GALNT2: variants seen among roughly 807,000 people sequenced by gnomAD.
The protein encoded by GALNT2 is polypeptide N-acetylgalactosaminyltransferase 2, also known as UDP-GalNAc:polypeptide N-acetylgalactosaminyltransferase 2.
GALNT2 carries 31 observed loss-of-function variants against 81.4 expected under a neutral mutation model. That is an observed-to-expected ratio of 0.38 (90% confidence interval 0.29 to 0.51). The LOEUF (loss-of-function observed/expected upper bound fraction) is 0.51, where lower values mean the gene tolerates loss of function less well. Among genes scored for constraint, GALNT2 ranks in the 20% least tolerant of loss-of-function variants. The pLI is 0.87. For synonymous variants in GALNT2, 303 were observed against 287.4 expected (o/e 1.05, Z -0.55); for missense variants, 629 against 765.7 (o/e 0.82, Z 2.11).
intron 1 of GALNT2, among the ~76,000 whole-genome samples, chr1:230,069,169 C>G (rs2102740252): frequency 6.6e-6 from 1 of 152,328 alleles, no homozygotes; most frequent in South Asian, 2.1e-4. Flanking sequence ...GAGGCTGATT[C>G]CTCACTCTGG....
intron 2 of GALNT2, among the ~76,000 whole-genome samples, chr1:230,198,077 C>G (rs1663760064): frequency 6.6e-6 from 1 of 152,248 alleles, no homozygotes; most frequent in Non-Finnish European, 1.5e-5. Flanking sequence ...TGTGTAAGAA[C>G]TAACACGAAG....
chr1:230,109,007 A>C lies in GALNT2; in HGVS notation c.126+41601A>C, dbSNP rs76787326. On this transcript the variant is annotated intron_variant, in intron 1 of 15. Coordinates refer to ENST00000366672, the MANE Select transcript of GALNT2 (RefSeq NM_004481.5). Reference sequence around the variant, plus strand: ...AACAGGATGAGATGTAGAGCAGGATATATATGTTAGAAACAAAGTTTCGCG... The same window carrying C: ...AACAGGATGAGATGTAGAGCAGGATCTATATGTTAGAAACAAAGTTTCGCG... Among the ~76,000 whole-genome samples the C allele has an allele frequency of 1.8e-4, 27 of 152,366 alleles. 1 individual carries two copies. In the East Asian group the frequency reaches 5.0e-3, roughly 28 times the overall value.
chr1:230,264,517 C>G (rs945105842), intron 13 of GALNT2: 8 of 152,430 alleles, frequency 5.2e-5, no homozygotes, highest in Non-Finnish European at 1.2e-4. Context: ...ATCTGCTTCC[C>G]CTGTCTGTGG....
At chr1:230,119,091 G>A (rs1038601073) in intron 1 of GALNT2, among the ~76,000 whole-genome samples, 2 of 152,026 alleles carry the variant, frequency 1.3e-5, no homozygotes, top group African/African-American at 2.4e-5. Flanking sequence ...TTTAATTATC[G>A]CTCAAATCTC....
At chr1:230,200,613 G>C (rs1247682369) in intron 2 of GALNT2, among the ~76,000 whole-genome samples, 4 of 152,236 alleles carry the variant, frequency 2.6e-5, no homozygotes, top group Non-Finnish European at 5.9e-5. Flanking sequence ...AGAGCACAAA[G>C]AGATGTATGG....
chr1:230,114,540 C>G (rs1376878276), intron 1 of GALNT2, among the ~76,000 whole-genome samples: 1 of 152,186 alleles, frequency 6.6e-6, no homozygotes, highest in Non-Finnish European at 1.5e-5. Context: ...TGGGCTGAAC[C>G]CGGCACTGCT....
intron 1 of GALNT2, among the ~76,000 whole-genome samples, chr1:230,098,220 G>T (rs932075211): frequency 1.3e-5 from 2 of 152,156 alleles, no homozygotes; most frequent in South Asian, 4.2e-4. Flanking sequence ...AGGAAACATT[G>T]TACTCCTGTG....
intron 1 of GALNT2, among the ~76,000 whole-genome samples, chr1:230,122,349 G>A (rs903129479): frequency 6.6e-6 from 1 of 152,176 alleles, no homozygotes; most frequent in African/African-American, 2.4e-5. Flanking sequence ...TTGAGGTTCA[G>A]AAAATCTGTT....
At chr1:230,144,351 G>C (rs889817602) in intron 1 of GALNT2, among the ~76,000 whole-genome samples, 20 of 152,164 alleles carry the variant, frequency 1.3e-4, no homozygotes, top group African/African-American at 4.8e-4. Context: ...CTGAAACCAA[G>C]AAAGACTACT....
At chr1:230,080,855 G>A (rs1304696457) in intron 1 of GALNT2, among the ~76,000 whole-genome samples, 2 of 152,186 alleles carry the variant, frequency 1.3e-5, no homozygotes, top group Non-Finnish European at 2.9e-5. Context: ...AATGGTGCCT[G>A]GTACATACAT....
chr1:230,088,876 AC>A (rs1369717021), intron 1 of GALNT2, among the ~76,000 whole-genome samples: 1 of 151,668 alleles, frequency 6.6e-6, no homozygotes, highest in African/African-American at 2.4e-5. Flanking sequence ...CCAAATGGAA[AC>A]CCTATGCCCA....
Position 230,280,237 on chromosome 1 carries a change from CAGTTGGTGCT to C in GALNT2, c.*781_*790del. The C allele has an allele frequency of 2.9e-6, 1 of 345,922 alleles. No individual in the cohort carries two copies. Among genetic ancestry groups the C allele is most frequent in the East Asian group, 7.4e-5 (1 of 13,452 alleles). The allele number at this position is 345,922 out of a possible 1,614,324, so 21.4% of individuals were successfully genotyped here. On this transcript the variant is annotated 3_prime_UTR_variant, in exon 16 of 16. Transcript: ENST00000366672. ...CTTTGTCCCCTGGAGCCCGATCAGC[CAGTTGGTGCT>C]ACTGCTGTGGCCAGCTGGGGGGCTT...
intron 1 of GALNT2, among the ~76,000 whole-genome samples, chr1:230,096,769 A>G (rs546776138): frequency 3.9e-5 from 6 of 152,360 alleles, no homozygotes; most frequent in South Asian, 4.1e-4. Context: ...ATACAATCAT[A>G]GAATCAAAGT....
intron 1 of GALNT2, among the ~76,000 whole-genome samples, chr1:230,109,092 T>G (rs1426405622): frequency 1.3e-5 from 2 of 152,232 alleles, no homozygotes; most frequent in African/African-American, 4.8e-5. Context: ...TTAAACACTT[T>G]GCTGGCAGCA....
chr1:230,180,076 G>T (rs1663109152), intron 2 of GALNT2, among the ~76,000 whole-genome samples: 1 of 152,118 alleles, frequency 6.6e-6, no homozygotes, highest in Non-Finnish European at 1.5e-5. Flanking sequence ...CTGCCACCAA[G>T]CCCAGCTAAT....
chr1:230,153,435 G>GT (rs573888497), intron 1 of GALNT2, among the ~76,000 whole-genome samples: 1 of 152,060 alleles, frequency 6.6e-6, no homozygotes, highest in Non-Finnish European at 1.5e-5. Context: ...GTCTCTTTGC[G>GT]TTTTTAGTTT....
chr1:230,262,987 A>G lies in GALNT2; in HGVS notation c.1295A>G (p.Asn432Ser), dbSNP rs1315473228. ...AAGCCTTTCAAATGGTACCTTGAAA[A>G]TGTCTATCCAGAGTTAAGGTAAGTC... ...SCKPFKWYLE[N>S]VYPELRVPDH... Residue 432 changes from asparagine to serine, a missense_variant, in exon 13 of 16, where the codon AAT becomes AGT. Asn to Ser is a conservative substitution (Grantham distance 46). Coordinates refer to ENST00000366672, the MANE Select transcript of GALNT2 (RefSeq NM_004481.5). 2.5e-6 allele frequency: 4 copies of G among 1,614,046 alleles called. No individual in the cohort carries two copies. The highest frequency in any genetic ancestry group is 3.4e-6 in the Non-Finnish European group (4 of 1,179,870).
intron 11 of GALNT2, among the ~76,000 whole-genome samples, chr1:230,260,421 T>C (rs185864376): frequency 6.6e-6 from 1 of 152,368 alleles, no homozygotes; most frequent in East Asian, 1.9e-4. Flanking sequence ...CCTTTTCTAT[T>C]ACAAAGACAG....
intron 1 of GALNT2, among the ~76,000 whole-genome samples, chr1:230,175,634 T>TCCTCCCCCTCCCTCTCCCCTCCTCCG (rs1662955058): frequency 9.1e-6 from 1 of 110,292 alleles, no homozygotes; most frequent in East Asian, 3.3e-4. Context: ...CCCCTCCTCC[T>TCCTCCCCCTCCCTCTCCCCTCCTCCG]CCTTTCCCTC....
Sources: gnomAD v4.1 joint callset for allele counts (sites outside exome capture counted in the v4.1 genomes callset) on GRCh38, gnomAD v4.1.1 for gene constraint, MANE v1.5 for transcripts, NCBI Gene and HGNC (gene_info 2026-07-23, HGNC 2026-07-21) for gene names.